The following STK39 variants were observed in gnomAD, a reference collection of about 807,000 sequenced individuals.
STK39 encodes STE20/SPS1-related proline-alanine-rich protein kinase.
A neutral mutation model predicts 77.8 loss-of-function variants in STK39; 20 were observed. That is an observed-to-expected ratio of 0.26 (90% CI 0.18 to 0.37). The LOEUF (loss-of-function observed/expected upper bound fraction) is 0.37, where lower values mean the gene tolerates loss of function less well. Among genes scored for constraint, STK39 ranks in the 10% least tolerant of loss-of-function variants. The pLI is 1.00. For synonymous variants in STK39, 246 were observed against 234.1 expected, an observed-to-expected ratio of 1.05 and a Z score of -0.47; for missense variants, 479 against 656.5, an observed-to-expected ratio of 0.73 and a Z score of 2.95.
At chr2:168,217,957 T>C (rs1050108959) in intron 1 of STK39, among the ~76,000 whole-genome samples, 2 of 152,228 alleles carry the variant, frequency 1.3e-5, no homozygotes, top group Non-Finnish European at 2.9e-5. Context: ...ATCACGTCCA[T>C]GTTATCATGA....
At chr2:167,990,998 T>C (rs2105282406) in intron 16 of STK39, among the ~76,000 whole-genome samples, 1 of 152,322 alleles carries the variant, frequency 6.6e-6, no homozygotes, top group Middle Eastern at 3.4e-3. Context: ...CAATGGGATG[T>C]CACGGTAAAA....
chr2:167,970,915 G>A lies in STK39; in HGVS notation c.1499-6189C>T, dbSNP rs574176804. ...GTCCATAAATTTGTCTGACCATAAGGCACCCCTGGAGTCTCTCTAAATCTG... is the reference window on the plus strand; with the variant it reads ...GTCCATAAATTTGTCTGACCATAAGACACCCCTGGAGTCTCTCTAAATCTG... On this transcript the variant is annotated intron_variant, in intron 16 of 17. Transcript: ENST00000355999. Among the ~76,000 whole-genome samples the A allele has an allele frequency of 2.3e-3, 347 of 152,220 alleles. 1 individual carries two copies. The highest frequency in any genetic ancestry group is 6.8e-3 in the Middle Eastern group (2 of 294).
At chr2:168,151,583 A>C (rs1202934899) in intron 5 of STK39, among the ~76,000 whole-genome samples, 4 of 151,950 alleles carry the variant, frequency 2.6e-5, no homozygotes, top group African/African-American at 9.7e-5. Context: ...AAAAACACAA[A>C]AAATTAGCCA....
chr2:168,220,606 C>T (rs1030890676), intron 1 of STK39, among the ~76,000 whole-genome samples: 4 of 152,192 alleles, frequency 2.6e-5, no homozygotes, highest in Middle Eastern at 3.4e-3. Context: ...GTATAGTCAA[C>T]GCCAAAAGAG....
intron 16 of STK39, among the ~76,000 whole-genome samples, chr2:168,007,758 G>A (rs1290328953): frequency 6.6e-6 from 1 of 152,108 alleles, no homozygotes; most frequent in African/African-American, 2.4e-5. Flanking sequence ...GGGAAGAGCA[G>A]GAGAAGAGAC....
At chr2:168,197,581 T>C (rs971179066) in intron 1 of STK39, among the ~76,000 whole-genome samples, 1 of 152,228 alleles carries the variant, frequency 6.6e-6, no homozygotes, top group Non-Finnish European at 1.5e-5. Flanking sequence ...TGTCCAATCA[T>C]ATCTTACAAA....
chr2:167,984,098 T>A (rs1683498586), intron 16 of STK39, among the ~76,000 whole-genome samples: 2 of 152,316 alleles, frequency 1.3e-5, no homozygotes, highest in Non-Finnish European at 2.9e-5. Flanking sequence ...TAAGCAGATG[T>A]GTGTTCTAAT....
intron 10 of STK39, among the ~76,000 whole-genome samples, chr2:168,089,904 T>C (rs1686471941): frequency 6.6e-6 from 1 of 152,228 alleles, no homozygotes; most frequent in African/African-American, 2.4e-5. Context: ...TGGTCTAATA[T>C]TTTATTTTTA....
intron 16 of STK39, among the ~76,000 whole-genome samples, chr2:167,990,571 A>C (rs1486243875): frequency 6.6e-6 from 1 of 152,224 alleles, no homozygotes; most frequent in Non-Finnish European, 1.5e-5. Flanking sequence ...TAACTCTAGA[A>C]GACAGAAACC....
chr2:168,006,936 A>G (rs1483554158), intron 16 of STK39, among the ~76,000 whole-genome samples: 1 of 152,234 alleles, frequency 6.6e-6, no homozygotes, highest in Non-Finnish European at 1.5e-5. Flanking sequence ...CACTAAAAGC[A>G]GGCTACCCTG....
chr2:168,179,653 C>T (rs556129760), intron 2 of STK39, among the ~76,000 whole-genome samples: 1 of 152,174 alleles, frequency 6.6e-6, no homozygotes, highest in South Asian at 2.1e-4. Flanking sequence ...AATCCTAAGA[C>T]CTCAGACGAA....
At chr2:168,179,303 A>T (rs781296001) in intron 2 of STK39, among the ~76,000 whole-genome samples, 5 of 152,240 alleles carry the variant, frequency 3.3e-5, no homozygotes, top group Non-Finnish European at 7.3e-5. Flanking sequence ...GACATTGAAA[A>T]GATGACAGCA....
intron 14 of STK39, among the ~76,000 whole-genome samples, chr2:168,040,292 A>C (rs1685070198): frequency 6.6e-6 from 1 of 152,222 alleles, no homozygotes; most frequent in Admixed American, 6.5e-5. Context: ...CTGAATCAAC[A>C]AGGATGCCAA....
rs189853080 is a variant in STK39 at position 168,107,722 on chromosome 2, G to A, written c.1089+21819C>T. Among the ~76,000 whole-genome samples the A allele has an allele frequency of 1.4e-4, 21 of 152,186 alleles. No homozygotes were observed. In the East Asian group the frequency reaches 4.1e-3, roughly 29 times the overall value. On this transcript the variant is annotated intron_variant, in intron 10 of 17. Transcript: ENST00000355999. ...GCATGGGAATATGACCCAAACTCTGGGACATTATGGGAAAATTTACTCATT... is the reference window on the plus strand; with the variant it reads ...GCATGGGAATATGACCCAAACTCTGAGACATTATGGGAAAATTTACTCATT...
At chr2:168,128,927 G>A (rs554917016) in intron 10 of STK39, among the ~76,000 whole-genome samples, 8 of 151,924 alleles carry the variant, frequency 5.3e-5, no homozygotes, top group Non-Finnish European at 1.2e-4. Flanking sequence ...ATTGTATTAG[G>A]TTTCATACCA....
intron 2 of STK39, 81 bp from the exon 3 acceptor site, chr2:168,167,488 C>A: frequency 7.8e-7 from 1 of 1,276,058 alleles, no homozygotes; most frequent in Non-Finnish European, 1.1e-6. Flanking sequence ...AGTTGAGTAC[C>A]TGGGTAACTT....
At chr2:168,018,582 G>GA (rs1553514727) in intron 14 of STK39, among the ~76,000 whole-genome samples, 1 of 148,598 alleles carries the variant, frequency 6.7e-6, no homozygotes, top group African/African-American at 2.5e-5. Flanking sequence ...AAGAAAGAAA[G>GA]AAAGAAAGAA....
At chr2:168,003,354 T>C (rs903563767) in intron 16 of STK39, among the ~76,000 whole-genome samples, 11 of 152,250 alleles carry the variant, frequency 7.2e-5, no homozygotes, top group South Asian at 2.1e-4. Context: ...ACAACACGGA[T>C]GATACTTTTA....
At chr2:168,138,842 G>C (rs553671552) in intron 7 of STK39, among the ~76,000 whole-genome samples, 1 of 152,208 alleles carries the variant, frequency 6.6e-6, no homozygotes, top group East Asian at 1.9e-4. Context: ...TGCTTTCGGA[G>C]GGGGACAAAA....
Sources: gnomAD v4.1 joint callset for allele counts (sites outside exome capture counted in the v4.1 genomes callset) on GRCh38, gnomAD v4.1.1 for gene constraint, MANE v1.5 for transcripts, NCBI Gene and HGNC (gene_info 2026-07-23, HGNC 2026-07-21) for gene names.